Variants in ZRANB3 observed in about 807,000 individuals in gnomAD.
ZRANB3 encodes the protein zinc finger RANBP2-type containing 3, also known as DNA annealing helicase and endonuclease ZRANB3.
Under a neutral mutation model 133.8 loss-of-function variants are expected in ZRANB3, and 125 were observed. The observed-to-expected ratio is 0.93, with a 90% CI of 0.81 to 1.08. ZRANB3 has a LOEUF of 1.08. Ranked by LOEUF, ZRANB3 falls within the 50% of genes least tolerant of loss-of-function variation. The probability of loss-of-function intolerance (pLI) is 0.00; values close to 1 mark genes in which losing one functional copy is unlikely to be tolerated. For missense variants in ZRANB3, 1,229 were observed against 1,275.5 expected (o/e 0.96, Z 0.56); for synonymous variants, 387 against 432.7 (o/e 0.89, Z 1.31).
rs141279342 is a variant in ZRANB3 at position 135,438,552 on chromosome 2, T to C, written c.162-47732A>G. Among the ~76,000 whole-genome samples the C allele has an allele frequency of 6.1e-4, 93 of 151,644 alleles. No homozygotes were observed. The East Asian group carries it at 0.017, about 28-fold the overall frequency. ...TGTTAATTGTATTTCCTGGCCATAG[T>C]TCCTATTTTTAAAAAGACATAGTAC... On this transcript the variant is annotated intron_variant, in intron 2 of 20. Coordinates refer to ENST00000264159, the MANE Select transcript of ZRANB3 (RefSeq NM_032143.4).
At chr2:135,224,598 G>T in intron 14 of ZRANB3, 81 bp from the exon 15 acceptor site, 1 of 949,818 alleles carries the variant, frequency 1.1e-6, no homozygotes, top group Non-Finnish European at 1.6e-6. Context: ...GTGTAGGTTA[G>T]AACGATGAAA....
rs185025819 is a variant in ZRANB3, at chr2:135,331,262, C to T, written c.677+14288G>A. On this transcript the variant is annotated intron_variant, in intron 6 of 20. Coordinates refer to ENST00000264159, the MANE Select transcript of ZRANB3 (RefSeq NM_032143.4). ...GTCCCAGAGATTCTGGTACGTTGTG[C>T]CTTTTTTCTCATTGGTTTCAAAGAA... Among the ~76,000 whole-genome samples, 5 of 152,122 alleles carry T rather than the reference C, an allele frequency of 3.3e-5. No individual in the cohort carries two copies. The East Asian group carries it at 7.7e-4, about 24-fold the overall frequency.
intron 6 of ZRANB3, among the ~76,000 whole-genome samples, chr2:135,334,906 T>C (rs1323104934): frequency 6.6e-6 from 1 of 151,896 alleles, no homozygotes; most frequent in Non-Finnish European, 1.5e-5. Context: ...AAAATAAATA[T>C]ATTTTAAAAA....
In ZRANB3 at chr2:135,335,927, T is replaced by C. The variant is rs191436343; in HGVS notation, c.677+9623A>G. 1.1e-4 allele frequency among the ~76,000 whole-genome samples: 16 copies of C among 152,224 alleles called. No individual in the cohort carries two copies. In the East Asian group the frequency reaches 3.1e-3, roughly 29 times the overall value. Reference sequence around the variant, plus strand: ...AAAAACAACATAAAAGGAAGTGAGATAGAGCAAGCCATTTAAACTCACCAA... The same window carrying C: ...AAAAACAACATAAAAGGAAGTGAGACAGAGCAAGCCATTTAAACTCACCAA... On this transcript the variant is annotated intron_variant, in intron 6 of 20. Coordinates refer to ENST00000264159, the MANE Select transcript of ZRANB3 (RefSeq NM_032143.4).
intron 2 of ZRANB3, among the ~76,000 whole-genome samples, chr2:135,412,284 G>A (rs941157844): frequency 6.6e-6 from 1 of 152,044 alleles, no homozygotes; most frequent in African/African-American, 2.4e-5. Context: ...TAGACAAAAT[G>A]GTGTCACGTT....
chr2:135,315,575 G>A, intron 6 of ZRANB3, 45 bp from the exon 7 acceptor site: 1 of 1,309,616 alleles, frequency 7.6e-7, no homozygotes, highest in South Asian at 2.1e-5. Flanking sequence ...GAATGCTGGA[G>A]TTAAGAAAAT....
Position 135,330,570 on chromosome 2 carries a change from A to G in ZRANB3, c.677+14980T>C, listed in dbSNP as rs146721542. On this transcript the variant is annotated intron_variant, in intron 6 of 20. Coordinates refer to ENST00000264159, the MANE Select transcript of ZRANB3 (RefSeq NM_032143.4). The stretch of plus-strand genomic sequence containing the variant: ...TATCAGGATGATGCTGGCCTCATAA[A>G]ATGAGTTAGGGAGGATTCCCTCTTT... Among the ~76,000 whole-genome samples the G allele has an allele frequency of 5.0e-3, 765 of 152,260 alleles. 18 individuals are homozygous for G. In the East Asian group the frequency reaches 0.074, roughly 15 times the overall value.
chr2:135,443,689 G>C (rs1012680268), intron 2 of ZRANB3, among the ~76,000 whole-genome samples: 7 of 152,072 alleles, frequency 4.6e-5, no homozygotes, highest in Non-Finnish European at 8.8e-5. Flanking sequence ...AATCCGACGT[G>C]AGGGACATTC....
chr2:135,422,281 T>G (rs958811182), intron 2 of ZRANB3, among the ~76,000 whole-genome samples: 2 of 152,094 alleles, frequency 1.3e-5, no homozygotes, highest in African/African-American at 4.8e-5. Flanking sequence ...CCCACTCAAG[T>G]GAGGCTTTAT....
chr2:135,456,118 A>C (rs187833222), intron 2 of ZRANB3, among the ~76,000 whole-genome samples: 1 of 152,180 alleles, frequency 6.6e-6, no homozygotes, highest in East Asian at 1.9e-4. Context: ...TTCAGCTGGT[A>C]TGTTGATTAG....
At chr2:135,517,878 G>A (rs1299698234) in intron 1 of ZRANB3, among the ~76,000 whole-genome samples, 1 of 152,182 alleles carries the variant, frequency 6.6e-6, no homozygotes, top group Non-Finnish European at 1.5e-5. Flanking sequence ...CCTTCCCCCA[G>A]GTGCTCTGTC....
intron 3 of ZRANB3, chr2:135,355,151 T>G (rs1248440362): frequency 1.2e-6 from 1 of 828,410 alleles, no homozygotes; most frequent in East Asian, 1.2e-4. Flanking sequence ...TTATTTTGTT[T>G]ATGTATTTTT....
intron 3 of ZRANB3, among the ~76,000 whole-genome samples, chr2:135,379,121 GGGTATACA>G (rs1388254538): frequency 6.6e-6 from 1 of 152,018 alleles, no homozygotes; most frequent in East Asian, 1.9e-4. Flanking sequence ...ACTGGGTGTG[GGGTATACA>G]GGAACTCTGT....
intron 8 of ZRANB3, among the ~76,000 whole-genome samples, chr2:135,303,078 T>C (rs1050829272): frequency 6.6e-6 from 1 of 152,090 alleles, no homozygotes; most frequent in African/African-American, 2.4e-5. Context: ...AACAAAAAAT[T>C]ATGATCAAAC....
At chr2:135,406,659 G>T (rs1688049047) in intron 2 of ZRANB3, among the ~76,000 whole-genome samples, 1 of 152,174 alleles carries the variant, frequency 6.6e-6, no homozygotes. Flanking sequence ...ATGCAAGGTT[G>T]GTTCAACATA....
At chr2:135,378,597 G>C (rs1195241963) in intron 3 of ZRANB3, among the ~76,000 whole-genome samples, 1 of 152,068 alleles carries the variant, frequency 6.6e-6, no homozygotes, top group African/African-American at 2.4e-5. Context: ...AAAAGGGGGG[G>C]AAATGAGTAA....
At chr2:135,498,274 A>T (rs1574207611) in intron 2 of ZRANB3, among the ~76,000 whole-genome samples, 1 of 152,270 alleles carries the variant, frequency 6.6e-6, no homozygotes, top group East Asian at 1.9e-4. Context: ...GACCGGCTGA[A>T]GCCATGGCAG....
intron 1 of ZRANB3, among the ~76,000 whole-genome samples, chr2:135,523,344 T>C (rs111579743): frequency 7.6e-4 from 116 of 152,342 alleles, no homozygotes; most frequent in African/African-American, 2.6e-3. Context: ...AGCTCCCAAC[T>C]GGACTCCTCT....
intron 6 of ZRANB3, among the ~76,000 whole-genome samples, chr2:135,341,609 C>T (rs1374476726): frequency 6.7e-6 from 1 of 149,936 alleles, no homozygotes; most frequent in African/African-American, 2.5e-5. Flanking sequence ...GCTTGGGAGC[C>T]AGGCAGGACA....
Sources: gnomAD v4.1 joint callset for allele counts (sites outside exome capture counted in the v4.1 genomes callset) on GRCh38, gnomAD v4.1.1 for gene constraint, MANE v1.5 for transcripts, NCBI Gene and HGNC (gene_info 2026-07-23, HGNC 2026-07-21) for gene names.